CCDC92: variants seen among roughly 807,000 people sequenced by gnomAD.
CCDC92 encodes coiled-coil domain-containing protein 92.
A neutral mutation model predicts 24.9 loss-of-function variants in CCDC92; 12 were observed. The ratio of observed to expected loss-of-function variants is 0.48; its 90% CI spans 0.31 to 0.78. CCDC92 has a LOEUF of 0.78. CCDC92 is among the 30% of genes least tolerant of loss of function. CCDC92 has a pLI of 0.05. For synonymous variants in CCDC92, 193 were observed against 196.3 expected, an observed-to-expected ratio of 0.98 and a Z score of 0.14; for missense variants, 399 against 439.4, an observed-to-expected ratio of 0.91 and a Z score of 0.82.
intron 4 of CCDC92, among the ~76,000 whole-genome samples, chr12:123,941,681 G>A (rs540096220): frequency 3.9e-5 from 6 of 152,332 alleles, no homozygotes; most frequent in East Asian, 3.9e-4. Context: ...GCCCCGGCAC[G>A]CCTGCGCAGG....
chr12:123,971,057 A>T (rs1956517156), intron 1 of CCDC92, among the ~76,000 whole-genome samples: 1 of 152,238 alleles, frequency 6.6e-6, no homozygotes, highest in African/African-American at 2.4e-5. Flanking sequence ...ATTTCAAAAA[A>T]ACCCTATTTG....
Position 123,937,658 on chromosome 12 carries a change from C to G in CCDC92, c.396G>C (p.Glu132Asp). The G allele has an allele frequency of 6.2e-7, 1 of 1,614,058 alleles. No individual in the cohort carries two copies. Among genetic ancestry groups the G allele is most frequent in the South Asian group, 1.1e-5 (1 of 91,078 alleles). ...GCTTGTGACTCTTGGCCTTCAGCTC[C>G]TCCAGGTACTTCTTCTCTCGCTCCT... ...TIKEREKKYLEELKAKSHKLT... is the reference protein window; with the variant it reads ...TIKEREKKYLDELKAKSHKLT... Residue 132 changes from glutamate (E) to aspartate (D), a missense_variant, in exon 5 of 5, where the codon GAG becomes GAC. Physicochemically the swap from Glu to Asp is conservative, Grantham distance 45. Transcript: ENST00000238156. The surrounding 1 kb of genome is among the most constrained non-coding windows in gnomAD (Gnocchi z 8.4).
intron 2 of CCDC92, 23 bp from the exon 3 acceptor site, chr12:123,943,516 C>A (rs1345733200): frequency 1.2e-5 from 19 of 1,613,232 alleles, no homozygotes; most frequent in Non-Finnish European, 1.5e-5. Flanking sequence ...CAGACCCTGG[C>A]TGCGGTGCCT....
intron 4 of CCDC92, among the ~76,000 whole-genome samples, chr12:123,939,222 C>G (rs1195918612): frequency 6.6e-6 from 1 of 152,158 alleles, no homozygotes; most frequent in African/African-American, 2.4e-5. Flanking sequence ...CAGGGCCTGC[C>G]TAGGCACTGG....
At chr12:123,954,769 C>T (rs780894623) in intron 1 of CCDC92, among the ~76,000 whole-genome samples, 2 of 152,220 alleles carry the variant, frequency 1.3e-5, no homozygotes, top group African/African-American at 4.8e-5. Context: ...CCATCTGTGT[C>T]GTGTGGTGCC....
chr12:123,946,435 C>T (rs775480915), intron 1 of CCDC92: 2 of 152,582 alleles, frequency 1.3e-5, no homozygotes, highest in Non-Finnish European at 2.9e-5. Flanking sequence ...TGGGTCTCCA[C>T]TGTCTACTTA....
intron 1 of CCDC92, among the ~76,000 whole-genome samples, chr12:123,970,987 G>T: frequency 6.9e-6 from 1 of 145,502 alleles, no homozygotes; most frequent in Admixed American, 6.7e-5. Flanking sequence ...CATGGCAGAT[G>T]AAAGAGTTAT....
At chr12:123,944,689 C>A (rs1163196313) in intron 1 of CCDC92, 1 of 173,844 alleles carries the variant, frequency 5.8e-6, no homozygotes, top group Non-Finnish European at 1.2e-5. Context: ...CACGAAAACA[C>A]TTCCTGGGCG....
chr12:123,942,744 C>T lies in CCDC92; in HGVS notation c.223G>A (p.Gly75Arg), dbSNP rs1324365422. 1 of 1,609,310 alleles carries T rather than the reference C, an allele frequency of 6.2e-7. No homozygotes were observed. The highest frequency in any genetic ancestry group is 1.7e-5 in the Admixed American group (1 of 60,028). ...TTTACTTCTGGGGAGGAGTTCTTAC[C>T]TGTCTGTTCCGAACTTTTGACTGTC... ...ELTVKSSEQT[G>R]DGTSKSSELK... The change falls in exon 4 of 5, where the codon GGA becomes AGA. Residue 75 changes from glycine to arginine, a missense_variant and splice_region_variant. By Grantham distance (125) the Gly-to-Arg change is moderately radical. Coordinates refer to ENST00000238156, the MANE Select transcript of CCDC92 (RefSeq NM_025140.3).
intron 1 of CCDC92, among the ~76,000 whole-genome samples, chr12:123,951,356 G>A (rs975509918): frequency 4.6e-5 from 7 of 152,102 alleles, no homozygotes; most frequent in African/African-American, 1.2e-4. Context: ...GAATATCTTC[G>A]GTAGGAAAGG....
At position 123,962,785 on chromosome 12, in the gene CCDC92, C is replaced by T. The variant is rs573464472; in HGVS notation, c.-60+9744G>A. On this transcript the variant is annotated intron_variant, in intron 1 of 4. Transcript: ENST00000238156. ...TCTCACCTGCTGAGAACACCATCTA[C>T]ACGGTGTTTTTTTTTTCCCTCAGAG... 5.3e-5 allele frequency: 8 copies of T among 152,338 alleles called. No individual in the cohort carries two copies. In the South Asian group the frequency reaches 8.3e-4, roughly 16 times the overall value. The allele number at this position is 152,338 out of a possible 1,614,324, so 9.4% of individuals were successfully genotyped here. A position where few individuals can be genotyped will look rare whatever the true frequency, so the allele number is the denominator to read the frequency against.
rs1955729997 is a variant in CCDC92 at position 123,942,870 on chromosome 12, CG to C, written c.182-86del. 4 of 1,096,788 alleles carry C rather than the reference CG, an allele frequency of 3.6e-6. No individual in the cohort carries two copies. In the Admixed American group the frequency reaches 6.8e-5, roughly 19 times the overall value. 67.9% of individuals were successfully genotyped at this position (1,096,788 alleles called of 1,614,324 possible). A position where few individuals can be genotyped will look rare whatever the true frequency, so the allele number is the denominator to read the frequency against. Reference sequence around the variant, plus strand: ...TTTGAAAATGCAAAACCGATTCCCACGATTAGCCAGCGAGTCCTACCCAGAC... The same window carrying C: ...TTTGAAAATGCAAAACCGATTCCCACATTAGCCAGCGAGTCCTACCCAGAC... On this transcript the variant is annotated intron_variant, in intron 3 of 4. Coordinates refer to ENST00000238156, the MANE Select transcript of CCDC92 (RefSeq NM_025140.3).
At chr12:123,950,334 C>T (rs1057252615) in intron 1 of CCDC92, among the ~76,000 whole-genome samples, 6 of 152,150 alleles carry the variant, frequency 3.9e-5, no homozygotes, top group Non-Finnish European at 5.9e-5. Flanking sequence ...AGGGCCAGGC[C>T]GTCAGAACAG....
At chr12:123,955,072 T>C (rs766638969) in intron 1 of CCDC92, among the ~76,000 whole-genome samples, 8 of 152,228 alleles carry the variant, frequency 5.3e-5, no homozygotes, top group Non-Finnish European at 8.8e-5. Context: ...CAGCCCCCAG[T>C]ATGACTGCCC....
chr12:123,944,188 G>A, intron 2 of CCDC92, 84 bp downstream of exon 2: 1 of 850,002 alleles, frequency 1.2e-6, no homozygotes, highest in Non-Finnish European at 2.0e-6. Flanking sequence ...GGTGGTGCAG[G>A]TGTCTGGAGT....
chr12:123,951,446 G>A (rs1307018530), intron 1 of CCDC92, among the ~76,000 whole-genome samples: 11 of 152,182 alleles, frequency 7.2e-5, no homozygotes, highest in Non-Finnish European at 1.6e-4. Flanking sequence ...CAAAGCCTGT[G>A]GAAACAGGGT....
At chr12:123,948,051 C>A (rs957786413) in intron 1 of CCDC92, among the ~76,000 whole-genome samples, 2 of 152,306 alleles carry the variant, frequency 1.3e-5, no homozygotes, top group Non-Finnish European at 2.9e-5. Flanking sequence ...CGGCGAGGGT[C>A]TGCGGCTTCA....
chr12:123,961,181 GCTCTT>G (rs2093048514), intron 1 of CCDC92: 1 of 152,274 alleles, frequency 6.6e-6, no homozygotes, highest in Non-Finnish European at 1.5e-5. Context: ...AGCACTGGCA[GCTCTT>G]CTCTTATCTA....
At chr12:123,969,705 G>T (rs1172867522) in intron 1 of CCDC92, among the ~76,000 whole-genome samples, 1 of 151,880 alleles carries the variant, frequency 6.6e-6, no homozygotes, top group African/African-American at 2.4e-5. Flanking sequence ...CTCGTGATCT[G>T]CCCGCCTCGG....
Sources: gnomAD v4.1 joint callset for allele counts (sites outside exome capture counted in the v4.1 genomes callset) on GRCh38, gnomAD v4.1.1 for gene constraint, Gnocchi (gnomAD v3.1) non-coding constraint, MANE v1.5 for transcripts, NCBI Gene and HGNC (gene_info 2026-07-23, HGNC 2026-07-21) for gene names.